Variants in CMSS1 observed in about 807,000 individuals in gnomAD.
The protein encoded by CMSS1 is cms1 ribosomal small subunit homolog, also known as protein CMSS1.
A neutral mutation model predicts 43.5 loss-of-function variants in CMSS1; 33 were observed. That is an observed-to-expected ratio of 0.76 (90% confidence interval 0.57 to 1.01). The LOEUF is 1.01. Ranked by LOEUF, CMSS1 falls within the 50% of genes least tolerant of loss-of-function variation. The pLI is 0.00. For synonymous variants in CMSS1, 115 were observed against 117.2 expected, an observed-to-expected ratio of 0.98 and a Z score of 0.12; for missense variants, 313 against 326.4, an observed-to-expected ratio of 0.96 and a Z score of 0.32.
intron 1 of CMSS1, among the ~76,000 whole-genome samples, chr3:100,074,756 C>T (rs1318428169): frequency 2.5e-5 from 3 of 122,262 alleles, no homozygotes; most frequent in Admixed American, 1.0e-4. Flanking sequence ...TACAATGGCA[C>T]GATCTTGGCT....
chr3:100,056,789 G>A (rs2065471350), intron 1 of CMSS1, among the ~76,000 whole-genome samples: 1 of 151,218 alleles, frequency 6.6e-6, no homozygotes, highest in Admixed American at 6.6e-5. Context: ...CGGATCACGA[G>A]GTCAGGAGAT....
At chr3:100,076,158 C>T (rs929709815) in intron 1 of CMSS1, among the ~76,000 whole-genome samples, 5 of 152,194 alleles carry the variant, frequency 3.3e-5, no homozygotes, top group African/African-American at 9.7e-5. Context: ...CCGGAAAACC[C>T]TTAAAAATGT....
chr3:100,055,218 T>C (rs890227073), intron 1 of CMSS1, among the ~76,000 whole-genome samples: 1 of 152,170 alleles, frequency 6.6e-6, no homozygotes, highest in Non-Finnish European at 1.5e-5. Context: ...GCATAGGATT[T>C]CCAGTACAAG....
At chr3:99,986,447 A>G (rs1484793886) in intron 1 of CMSS1, among the ~76,000 whole-genome samples, 1 of 152,216 alleles carries the variant, frequency 6.6e-6, no homozygotes. Context: ...TTAACAACAC[A>G]GTTTTAGACA....
intron 1 of CMSS1, among the ~76,000 whole-genome samples, chr3:100,145,102 C>T (rs951105831): frequency 4.6e-5 from 7 of 152,170 alleles, no homozygotes; most frequent in African/African-American, 1.4e-4. Flanking sequence ...CTATTTTTCA[C>T]TACCCTTTTG....
intron 3 of CMSS1, among the ~76,000 whole-genome samples, chr3:100,162,074 G>C (rs1013508033): frequency 6.6e-6 from 1 of 152,182 alleles, no homozygotes; most frequent in Non-Finnish European, 1.5e-5. Flanking sequence ...GGAAGTCATA[G>C]ACCAAGAGTT....
At chr3:100,033,356 C>T (rs2065051647) in intron 1 of CMSS1, among the ~76,000 whole-genome samples, 1 of 152,162 alleles carries the variant, frequency 6.6e-6, no homozygotes, top group Non-Finnish European at 1.5e-5. Flanking sequence ...AATGGAAAAC[C>T]CACAAGCTCA....
chr3:100,109,598 G>A (rs2066454223), intron 1 of CMSS1, among the ~76,000 whole-genome samples: 1 of 152,056 alleles, frequency 6.6e-6, no homozygotes, highest in Non-Finnish European at 1.5e-5. Context: ...AGCTTTTTCA[G>A]TCTGGATTCT....
At chr3:99,907,734 T>C (rs1052041148) in intron 1 of CMSS1, among the ~76,000 whole-genome samples, 1 of 152,174 alleles carries the variant, frequency 6.6e-6, no homozygotes, top group South Asian at 2.1e-4. Flanking sequence ...GATTTTTGTG[T>C]TCCCTTCTCT....
At chr3:100,086,594 A>G (rs1011926981) in intron 1 of CMSS1, among the ~76,000 whole-genome samples, 1 of 152,356 alleles carries the variant, frequency 6.6e-6, no homozygotes, top group Middle Eastern at 3.4e-3. Flanking sequence ...CACCAGGCTA[A>G]CGTCCAAAAT....
intron 1 of CMSS1, among the ~76,000 whole-genome samples, chr3:100,034,204 T>G (rs543189403): frequency 2.0e-5 from 3 of 152,216 alleles, no homozygotes; most frequent in East Asian, 1.9e-4. Flanking sequence ...ACAAGACTGG[T>G]TTTTCTAGAC....
At chr3:99,830,613 TAAAC>T (rs1032225434) in intron 1 of CMSS1, 3 of 456,360 alleles carry the variant, frequency 6.6e-6, no homozygotes, top group Admixed American at 2.4e-5. Flanking sequence ...GATCTTGAAT[TAAAC>T]AAGAGAACAA....
chr3:100,055,377 T>C (rs2107328517), intron 1 of CMSS1, among the ~76,000 whole-genome samples: 2 of 152,318 alleles, frequency 1.3e-5, no homozygotes, highest in South Asian at 4.1e-4. Context: ...AAGGTGACTG[T>C]ATGATCCACG....
intron 1 of CMSS1, among the ~76,000 whole-genome samples, chr3:99,924,774 G>A (rs879776726): frequency 2.0e-5 from 3 of 151,952 alleles, no homozygotes; most frequent in Admixed American, 6.6e-5. Flanking sequence ...TGCCTGCTTC[G>A]GCCTCCCAAA....
intron 1 of CMSS1, among the ~76,000 whole-genome samples, chr3:100,103,313 G>A (rs114550817): frequency 0.017 from 2,616 of 152,302 alleles, 67 homozygotes; most frequent in African/African-American, 0.059. Context: ...TGCAGAACCC[G>A]AAGTCTTGAG....
chr3:100,040,374 G>A (rs1319513269), intron 1 of CMSS1: 3 of 151,850 alleles, frequency 2.0e-5, no homozygotes, highest in South Asian at 2.1e-4. Context: ...TTCTCTCCCC[G>A]AGAATCATTT....
chr3:100,180,545 T>G lies in CMSS1; in HGVS notation c.*2157T>G, dbSNP rs1193743199. 6.6e-6 allele frequency: 1 copy of G among 152,248 alleles called. No homozygotes were observed. Among genetic ancestry groups the G allele is most frequent in the Non-Finnish European group, 1.5e-5 (1 of 68,056 alleles). The allele number at this position is 152,248 out of a possible 1,614,324, so 9.4% of individuals were successfully genotyped here. On this transcript the variant is annotated 3_prime_UTR_variant, in exon 10 of 10. Coordinates refer to ENST00000421999, the MANE Select transcript of CMSS1 (RefSeq NM_032359.4). ...AAGCAGGGGCACAATGCCACCAGTCTCTGCTAAAGCATAGCAAGAGTGACC... is the reference window on the plus strand; with the variant it reads ...AAGCAGGGGCACAATGCCACCAGTCGCTGCTAAAGCATAGCAAGAGTGACC...
intron 1 of CMSS1, among the ~76,000 whole-genome samples, chr3:100,036,381 C>T (rs1442578012): frequency 6.6e-6 from 1 of 152,134 alleles, no homozygotes; most frequent in Non-Finnish European, 1.5e-5. Context: ...ATGATGAGGA[C>T]ATGTCAAAAG....
intron 1 of CMSS1, among the ~76,000 whole-genome samples, chr3:100,146,717 G>C (rs981460044): frequency 1.3e-5 from 2 of 152,150 alleles, no homozygotes; most frequent in Non-Finnish European, 2.9e-5. Context: ...ACGTCCTCTT[G>C]TATGAGTGTT....
Sources: allele counts gnomAD v4.1 joint callset (sites outside exome capture counted in the v4.1 genomes callset), GRCh38; gene constraint gnomAD v4.1.1; transcripts MANE v1.5; gene names NCBI Gene and HGNC (gene_info 2026-07-23, HGNC 2026-07-21).